Variants in DMD observed in about 807,000 individuals in gnomAD.
DMD encodes the protein mutant dystrophin.
A neutral mutation model predicts 330.1 loss-of-function variants in DMD; 63 were observed. The observed-to-expected ratio is 0.19, with a 90% CI of 0.16 to 0.24. The LOEUF (loss-of-function observed/expected upper bound fraction) is 0.24. Ranked by LOEUF, DMD falls within the 10% of genes least tolerant of loss-of-function variation. DMD has a pLI of 1.00. For synonymous variants in DMD, 1,223 were observed against 959.8 expected, an observed-to-expected ratio of 1.27 and a Z score of -5.07; for missense variants, 3,344 against 2,684.1, an observed-to-expected ratio of 1.25 and a Z score of -5.43.
chrX:32,170,418 G>T (rs1176466576), intron 44 of DMD, among the ~76,000 whole-genome samples: 1 of 109,078 alleles, frequency 9.2e-6, no homozygotes, highest in Non-Finnish European at 1.9e-5. Flanking sequence ...GTTGAAGTGA[G>T]TCGAGATTGT....
rs980912054 is a variant in DMD at position 32,756,039 on chromosome X, G to A, written c.649+53454C>T. 8.9e-5 allele frequency: 10 copies of A among 112,219 alleles called. 1 individual carries two copies. The highest frequency in any genetic ancestry group is 1.5e-4 in the Non-Finnish European group (8 of 53,211). The allele number at this position is 112,219 out of a possible 1,213,427, so 9.2% of individuals were successfully genotyped here. ...GTCTATTCAATAATTAATGTGCTAT[G>A]GCTATTGGCTTTGTTTTGTTATTGA... On this transcript the variant is annotated intron_variant, in intron 7 of 78. Coordinates refer to ENST00000357033, the MANE Select transcript of DMD (RefSeq NM_004006.3).
chrX:31,601,215 G>A (rs200594852), intron 55 of DMD, among the ~76,000 whole-genome samples: 1 of 112,429 alleles, frequency 8.9e-6, no homozygotes, highest in East Asian at 2.8e-4. Context: ...ATACACAGGT[G>A]TCTCAACACA....
intron 57 of DMD, among the ~76,000 whole-genome samples, chrX:31,485,065 C>T (rs775137804): frequency 5.3e-5 from 6 of 112,473 alleles, no homozygotes; most frequent in African/African-American, 9.7e-5. Flanking sequence ...CATAAAATCT[C>T]CCTGACTTAG....
intron 62 of DMD, among the ~76,000 whole-genome samples, chrX:31,269,859 T>G (rs946253124): frequency 8.9e-6 from 1 of 112,061 alleles, no homozygotes; most frequent in Admixed American, 9.4e-5. Flanking sequence ...TTCTTTGTCC[T>G]TCTCCATTCT....
chrX:31,701,299 AC>A (rs756572401), intron 52 of DMD, among the ~76,000 whole-genome samples: 4 of 112,033 alleles, frequency 3.6e-5, no homozygotes, highest in Admixed American at 9.5e-5. Context: ...AAGTGGCCTC[AC>A]TCTTATTTTT....
chrX:32,244,006 T>C (rs754764884), intron 43 of DMD, among the ~76,000 whole-genome samples: 42 of 106,065 alleles, frequency 4.0e-4, no homozygotes, highest in African/African-American at 1.2e-3. Flanking sequence ...GCACATTGTG[T>C]AGGTTAGTTA....
At chrX:32,646,984 G>T (rs763871122) in intron 9 of DMD, among the ~76,000 whole-genome samples, 12 of 110,503 alleles carry the variant, frequency 1.1e-4, no homozygotes, top group Non-Finnish European at 1.9e-4. Flanking sequence ...CTTCCATGGT[G>T]TATCTCTTCC....
intron 7 of DMD, among the ~76,000 whole-genome samples, chrX:32,729,003 AAAG>A (rs1256290328): frequency 1.8e-5 from 2 of 112,227 alleles, no homozygotes; most frequent in Non-Finnish European, 3.8e-5. Flanking sequence ...AATTATGAAC[AAAG>A]AAGTCAGCAG....
At chrX:31,857,866 A>T (rs2093641115) in intron 48 of DMD, among the ~76,000 whole-genome samples, 1 of 110,110 alleles carries the variant, frequency 9.1e-6, no homozygotes, top group African/African-American at 3.3e-5. Flanking sequence ...AAGGAATTTA[A>T]ATTTTCTATA....
chrX:31,649,083 A>G (rs1283365320), intron 54 of DMD, among the ~76,000 whole-genome samples: 1 of 111,915 alleles, frequency 8.9e-6, no homozygotes, highest in Non-Finnish European at 1.9e-5. Context: ...TTAATGGTTC[A>G]ATTAAACCAA....
chrX:31,279,997 G>A (rs1021154033), intron 62 of DMD, among the ~76,000 whole-genome samples: 1 of 112,335 alleles, frequency 8.9e-6, no homozygotes, highest in Non-Finnish European at 1.9e-5. Flanking sequence ...TCAGTGTTAA[G>A]CCAGTAAGTT....
At chrX:32,487,275 T>C (rs2042575831) in intron 20 of DMD, among the ~76,000 whole-genome samples, 1 of 112,141 alleles carries the variant, frequency 8.9e-6, no homozygotes, top group African/African-American at 3.2e-5. Flanking sequence ...ATATATAATT[T>C]GAACTCAAAG....
At chrX:31,991,969 A>C (rs1163210355) in intron 44 of DMD, among the ~76,000 whole-genome samples, 1 of 112,056 alleles carries the variant, frequency 8.9e-6, no homozygotes, top group African/African-American at 3.2e-5. Context: ...AGGCAACATA[A>C]AATAAACAAC....
At chrX:32,416,243 C>A (rs762724989) in intron 29 of DMD, among the ~76,000 whole-genome samples, 2 of 112,360 alleles carry the variant, frequency 1.8e-5, no homozygotes, top group East Asian at 5.6e-4. Context: ...GTATCCTATA[C>A]TATACTTATT....
intron 55 of DMD, among the ~76,000 whole-genome samples, chrX:31,536,726 C>T (rs763078653): frequency 9.0e-6 from 1 of 111,650 alleles, no homozygotes; most frequent in African/African-American, 3.3e-5. Flanking sequence ...TTCCCTTCTC[C>T]CCTGATGTTG....
chrX:32,961,629 C>A (rs2091901581), intron 2 of DMD, among the ~76,000 whole-genome samples: 1 of 111,470 alleles, frequency 9.0e-6, no homozygotes, highest in Non-Finnish European at 1.9e-5. Flanking sequence ...AGAAAGTAAT[C>A]ATTTTTCCTT....
chrX:32,938,642 G>A (rs191719577), intron 2 of DMD, among the ~76,000 whole-genome samples: 38 of 111,382 alleles, frequency 3.4e-4, no homozygotes, highest in Non-Finnish European at 6.0e-4. Flanking sequence ...AAATCAGTAA[G>A]GATGTTTTTA....
chrX:32,977,294 C>A (rs187923969), intron 2 of DMD, among the ~76,000 whole-genome samples: 1 of 110,379 alleles, frequency 9.1e-6, no homozygotes. Context: ...AGCAAGACTC[C>A]ATCTCACAAA....
chrX:32,592,458 T>C (rs774668378), intron 13 of DMD, among the ~76,000 whole-genome samples: 33 of 111,028 alleles, frequency 3.0e-4, no homozygotes, highest in African/African-American at 1.0e-3. Flanking sequence ...CCACCCACCA[T>C]GGGTCTCCTC....
Sources: gnomAD v4.1 joint callset for allele counts (sites outside exome capture counted in the v4.1 genomes callset) on GRCh38, gnomAD v4.1.1 for gene constraint, MANE v1.5 for transcripts, NCBI Gene and HGNC (gene_info 2026-07-23, HGNC 2026-07-21) for gene names.